The following TENM4 variants were observed in gnomAD, a reference collection of about 807,000 sequenced individuals.
The protein encoded by TENM4 is teneurin transmembrane protein 4, also known as teneurin-4.
In TENM4, 82 loss-of-function variants were observed where a neutral mutation model predicts 243.3. That is an observed-to-expected ratio of 0.34 (90% confidence interval 0.28 to 0.40). TENM4 has a LOEUF of 0.40. Among genes scored for constraint, TENM4 ranks in the 10% least tolerant of loss-of-function variants. The probability of loss-of-function intolerance (pLI) is 1.00; values close to 1 mark genes in which losing one functional copy is unlikely to be tolerated. For synonymous variants in TENM4, 1,412 were observed against 1,456.3 expected (o/e 0.97, Z 0.69); for missense variants, 3,138 against 3,673.3 (o/e 0.85, Z 3.77).
At chr11:79,407,646 T>G (rs1858600674) in intron 1 of TENM4, among the ~76,000 whole-genome samples, 1 of 152,178 alleles carries the variant, frequency 6.6e-6, no homozygotes, top group African/African-American at 2.4e-5. Flanking sequence ...AGAAGAAAAA[T>G]ATACATTTGT....
intron 1 of TENM4, among the ~76,000 whole-genome samples, chr11:79,318,358 G>A (rs512455): frequency 0.52 from 79,358 of 151,952 alleles, 21,021 homozygotes; most frequent in South Asian, 0.61. Context: ...TCAATATAAT[G>A]AAGGATTTTC....
chr11:79,359,508 G>A (rs1399465712), intron 1 of TENM4, among the ~76,000 whole-genome samples: 1 of 152,008 alleles, frequency 6.6e-6, no homozygotes, highest in Non-Finnish European at 1.5e-5. Context: ...GTTGAAGCTG[G>A]GTGGTGAATA....
chr11:78,965,704 C>T (rs1857425843), intron 6 of TENM4, among the ~76,000 whole-genome samples: 1 of 152,228 alleles, frequency 6.6e-6, no homozygotes, highest in African/African-American at 2.4e-5. Flanking sequence ...TTCTCCTACG[C>T]ATTCCCTGGT....
chr11:79,252,871 G>C (rs1052781502), intron 2 of TENM4, among the ~76,000 whole-genome samples: 2 of 152,244 alleles, frequency 1.3e-5, no homozygotes, highest in African/African-American at 4.8e-5. Context: ...GCTGACCCCA[G>C]CTCACTCCCA....
intron 6 of TENM4, among the ~76,000 whole-genome samples, chr11:78,988,907 G>A (rs1311465765): frequency 6.6e-6 from 1 of 152,168 alleles, no homozygotes; most frequent in Non-Finnish European, 1.5e-5. Flanking sequence ...ACACTCCTGA[G>A]CTCAAGTGAT....
rs1376803840 is a variant in TENM4 at position 78,831,994 on chromosome 11, G to T, written c.1682-17599C>A. ...TAATATGAGAGCCTATTGCAAGTCAGGCACAGTGCTGGTACATTGCATTGT... is the reference window on the plus strand; with the variant it reads ...TAATATGAGAGCCTATTGCAAGTCATGCACAGTGCTGGTACATTGCATTGT... On this transcript the variant is annotated intron_variant, in intron 12 of 33. Transcript: ENST00000278550. 2.0e-5 allele frequency among the ~76,000 whole-genome samples: 3 copies of T among 152,194 alleles called. No homozygotes were observed. In the East Asian group the frequency reaches 5.8e-4, roughly 29 times the overall value.
At position 79,052,023 on chromosome 11, in the gene TENM4, T is replaced by C. The variant is rs192893975; in HGVS notation, c.493+12715A>G. ...ACATTTTCTTTATCCAGTCTAACATTGATGGACATTTAGGTTGATTCCATG... is the reference window on the plus strand; with the variant it reads ...ACATTTTCTTTATCCAGTCTAACATCGATGGACATTTAGGTTGATTCCATG... On this transcript the variant is annotated intron_variant, in intron 6 of 33. Coordinates refer to ENST00000278550, the MANE Select transcript of TENM4 (RefSeq NM_001098816.3). 2.0e-4 allele frequency among the ~76,000 whole-genome samples: 31 copies of C among 152,372 alleles called. No homozygotes were observed. The East Asian group carries it at 5.8e-3, about 28-fold the overall frequency.
In TENM4 at chr11:79,027,335, C is replaced by T. The variant is rs185754629; in HGVS notation, c.493+37403G>A. Among the ~76,000 whole-genome samples, 3 of 152,312 alleles carry T rather than the reference C, an allele frequency of 2.0e-5. No homozygotes were observed. In the East Asian group the frequency reaches 5.8e-4, roughly 29 times the overall value. ...GTCTTAGAGATCCTAAGTCCTGATTCCCATCTATATTTCTAAATGAGGCTG... is the reference window on the plus strand; with the variant it reads ...GTCTTAGAGATCCTAAGTCCTGATTTCCATCTATATTTCTAAATGAGGCTG... On this transcript the variant is annotated intron_variant, in intron 6 of 33. Transcript: ENST00000278550.
chr11:79,274,704 G>A (rs1424583820), intron 2 of TENM4, among the ~76,000 whole-genome samples: 6 of 152,090 alleles, frequency 3.9e-5, no homozygotes. Flanking sequence ...GTTATAAATT[G>A]GGGGGGAAAA....
intron 2 of TENM4, among the ~76,000 whole-genome samples, chr11:79,280,663 G>A (rs535044300): frequency 7.2e-4 from 110 of 152,312 alleles, no homozygotes; most frequent in Admixed American, 1.6e-3. Flanking sequence ...GGCTCCTGTA[G>A]TCACCTGTCC....
chr11:78,738,313 G>C (rs1369614689), intron 20 of TENM4, 138 bp downstream of exon 20: 2 of 1,161,640 alleles, frequency 1.7e-6, no homozygotes, highest in Non-Finnish European at 2.4e-6. Flanking sequence ...TTAGTAAGTT[G>C]CAGAGCTGGG....
intron 9 of TENM4, among the ~76,000 whole-genome samples, chr11:78,864,960 A>G (rs1326661177): frequency 6.6e-6 from 1 of 152,202 alleles, no homozygotes; most frequent in African/African-American, 2.4e-5. Flanking sequence ...GGCTAGAAGA[A>G]CACAGGGAAG....
intron 9 of TENM4, among the ~76,000 whole-genome samples, chr11:78,884,214 C>T: frequency 6.6e-6 from 1 of 152,152 alleles, no homozygotes. Flanking sequence ...TGTCACAAAG[C>T]TTGGAAGCAG....
intron 7 of TENM4, among the ~76,000 whole-genome samples, chr11:78,898,911 A>G (rs557183976): frequency 6.6e-6 from 1 of 152,322 alleles, no homozygotes; most frequent in African/African-American, 2.4e-5. Context: ...ACACTACATA[A>G]TAAGTAGTTG....
intron 3 of TENM4, among the ~76,000 whole-genome samples, chr11:79,169,166 T>C (rs1862984752): frequency 1.3e-5 from 2 of 152,168 alleles, no homozygotes; most frequent in African/African-American, 4.8e-5. Flanking sequence ...TAGCCAAGCT[T>C]TATCTAGATT....
chr11:78,707,778 T>C (rs1337207672), intron 27 of TENM4, among the ~76,000 whole-genome samples: 1 of 152,242 alleles, frequency 6.6e-6, no homozygotes, highest in Non-Finnish European at 1.5e-5. Context: ...CGTGGATGCA[T>C]TGTTTCATGT....
intron 3 of TENM4, among the ~76,000 whole-genome samples, chr11:79,175,815 G>T (rs1293927409): frequency 6.6e-6 from 1 of 152,104 alleles, no homozygotes; most frequent in Non-Finnish European, 1.5e-5. Context: ...AGTCAGGCTG[G>T]GTGTGGTGGC....
chr11:78,961,689 A>T (rs1363672792), intron 6 of TENM4, among the ~76,000 whole-genome samples: 1 of 152,060 alleles, frequency 6.6e-6, no homozygotes, highest in South Asian at 2.1e-4. Flanking sequence ...AAATGGGGAC[A>T]CTAAAATACT....
chr11:79,437,732 C>G (rs997425556), intron 1 of TENM4, among the ~76,000 whole-genome samples: 2 of 152,152 alleles, frequency 1.3e-5, no homozygotes, highest in Non-Finnish European at 1.5e-5. Context: ...AACAGGTTGC[C>G]GCGGAGTCCC....
Sources: allele counts gnomAD v4.1 joint callset (sites outside exome capture counted in the v4.1 genomes callset), GRCh38; gene constraint gnomAD v4.1.1; transcripts MANE v1.5; gene names NCBI Gene and HGNC (gene_info 2026-07-23, HGNC 2026-07-21).